PCNX2: variants seen among roughly 807,000 people sequenced by gnomAD.
PCNX2 encodes the protein pecanex-like protein 2.
In PCNX2, 168 loss-of-function variants were observed where a neutral mutation model predicts 223.8. The observed-to-expected ratio is 0.75, with a 90% CI of 0.66 to 0.85. The LOEUF (loss-of-function observed/expected upper bound fraction) is 0.85. Ranked by LOEUF, PCNX2 falls within the 40% of genes least tolerant of loss-of-function variation. The pLI is 0.00. For missense variants in PCNX2, 2,507 were observed against 2,675.5 expected, an observed-to-expected ratio of 0.94 and a Z score of 1.39; for synonymous variants, 1,006 against 1,052.6, an observed-to-expected ratio of 0.96 and a Z score of 0.86.
Position 233,030,190 on chromosome 1 carries a change from C to CTGT in PCNX2, c.4352-4794_4352-4792dup, listed in dbSNP as rs1236002924. Reference sequence around the variant, plus strand: ...ACAGCCTTGAGTTCATGGATCTTTTCTGTTGTTGTTGTTGTTAAGCCCACT... The same window carrying CTGT: ...ACAGCCTTGAGTTCATGGATCTTTTCTGTTGTTGTTGTTGTTGTTAAGCCCACT... On this transcript the variant is annotated intron_variant, in intron 25 of 33. Coordinates refer to ENST00000258229, the MANE Select transcript of PCNX2 (RefSeq NM_014801.4). Among the ~76,000 whole-genome samples, 5 of 152,106 alleles carry CTGT rather than the reference C, an allele frequency of 3.3e-5. No individual in the cohort carries two copies. In the East Asian group the frequency reaches 7.7e-4, roughly 23 times the overall value.
intron 21 of PCNX2, among the ~76,000 whole-genome samples, chr1:233,124,088 TCTC>T (rs1675961398): frequency 6.6e-6 from 1 of 152,362 alleles, no homozygotes; most frequent in Middle Eastern, 3.4e-3. Context: ...TGGTCCTTCT[TCTC>T]CTCATTCTCA....
At chr1:233,062,774 A>G (rs1672451383) in intron 23 of PCNX2, among the ~76,000 whole-genome samples, 2 of 152,172 alleles carry the variant, frequency 1.3e-5, no homozygotes, top group South Asian at 2.1e-4. Context: ...TTTGATTTTT[A>G]AACACATTAC....
rs776690895 is a variant in PCNX2, at chr1:233,235,949, T to TAAAAA, written c.2358+891_2358+895dup. Among the ~76,000 whole-genome samples the TAAAAA allele has an allele frequency of 1.7e-3, 179 of 104,630 alleles. 2 individuals carry two copies. Among genetic ancestry groups the TAAAAA allele is most frequent in the African/African-American group, 4.6e-3 (121 of 26,544 alleles). 68.6% of individuals were successfully genotyped at this position (104,630 alleles called of 152,430 possible). ...TTGGAAAAATGTGGCAAAGCAATCA[T>TAAAAA]AAAAAAAAATATATATATATATATA... On this transcript the variant is annotated intron_variant, in intron 9 of 33. Coordinates refer to ENST00000258229, the MANE Select transcript of PCNX2 (RefSeq NM_014801.4).
In PCNX2 at chr1:233,107,214, A is replaced by ACACAC. The variant is rs371695786; in HGVS notation, c.3838-11352_3838-11351insGTGTG. On this transcript the variant is annotated intron_variant, in intron 21 of 33. Coordinates refer to ENST00000258229, the MANE Select transcript of PCNX2 (RefSeq NM_014801.4). ...ACACACACACACACACACACACACA[A>ACACAC]AACCATGCACAGCCTTTTTATGTAA... 2.2e-3 allele frequency among the ~76,000 whole-genome samples: 338 copies of ACACAC among 150,356 alleles called. 2 individuals carry two copies. Among genetic ancestry groups the ACACAC allele is most frequent in the Middle Eastern group, 0.01 (3 of 294 alleles).
chr1:233,132,892 C>G (rs1676580457), intron 21 of PCNX2, among the ~76,000 whole-genome samples: 2 of 114,880 alleles, frequency 1.7e-5, no homozygotes, highest in South Asian at 5.7e-4. Context: ...CATTTTACAT[C>G]TTTTTTTTTT....
chr1:233,032,047 T>C (rs1671286803), intron 25 of PCNX2: 1 of 980,976 alleles, frequency 1.0e-6, no homozygotes. Context: ...AATAATATAA[T>C]TTAGGAAGAA....
At chr1:233,061,596 G>T (rs886521136) in intron 23 of PCNX2, among the ~76,000 whole-genome samples, 2 of 152,062 alleles carry the variant, frequency 1.3e-5, no homozygotes, top group Non-Finnish European at 2.9e-5. Flanking sequence ...TTGGCAGATG[G>T]TCTTGAATAA....
intron 1 of PCNX2, among the ~76,000 whole-genome samples, chr1:233,286,001 G>A (rs982570716): frequency 1.3e-5 from 2 of 152,190 alleles, no homozygotes; most frequent in Non-Finnish European, 2.9e-5. Context: ...TAATGAAAGT[G>A]TTGACCAAGG....
intron 21 of PCNX2, among the ~76,000 whole-genome samples, chr1:233,109,605 G>A (rs1674997424): frequency 6.6e-6 from 1 of 152,176 alleles, no homozygotes; most frequent in Non-Finnish European, 1.5e-5. Flanking sequence ...ATGAAGACAG[G>A]TCAGCAGCAA....
chr1:233,194,194 A>G (rs1403126410), intron 15 of PCNX2, among the ~76,000 whole-genome samples: 1 of 152,134 alleles, frequency 6.6e-6, no homozygotes, highest in African/African-American at 2.4e-5. Context: ...ATATTGGAAT[A>G]ACGGCAGATT....
chr1:233,159,260 G>T (rs1402563162), intron 19 of PCNX2, among the ~76,000 whole-genome samples: 1 of 152,134 alleles, frequency 6.6e-6, no homozygotes, highest in Non-Finnish European at 1.5e-5. Context: ...TGCCCACCCA[G>T]AGATGTTCCT....
At chr1:233,221,247 G>C (rs1657361143) in intron 10 of PCNX2, among the ~76,000 whole-genome samples, 1 of 151,814 alleles carries the variant, frequency 6.6e-6, no homozygotes, top group South Asian at 2.1e-4. Flanking sequence ...GAAATTGTGG[G>C]TATCTTTTAT....
At chr1:233,237,966 A>G (rs544404563) in intron 8 of PCNX2, among the ~76,000 whole-genome samples, 42 of 152,364 alleles carry the variant, frequency 2.8e-4, no homozygotes, top group Admixed American at 5.9e-4. Flanking sequence ...AAGTAGTAAC[A>G]AAAGTAAAAG....
At chr1:233,164,244 T>A (rs1052041174) in intron 17 of PCNX2, among the ~76,000 whole-genome samples, 1 of 152,248 alleles carries the variant, frequency 6.6e-6, no homozygotes, top group African/African-American at 2.4e-5. Flanking sequence ...AAAACCACAA[T>A]GATATACCAT....
At chr1:232,992,990 A>T (rs922826988) in intron 32 of PCNX2, among the ~76,000 whole-genome samples, 5 of 152,226 alleles carry the variant, frequency 3.3e-5, no homozygotes, top group African/African-American at 1.2e-4. Context: ...TAAATTACCC[A>T]GTCTCAGGTT....
the PCNX2 span, among the ~76,000 whole-genome samples, chr1:233,312,925 A>T: frequency 6.6e-6 from 1 of 152,172 alleles, no homozygotes. Context: ...AAAGAAAAAA[A>T]AAAGACTAAG....
chr1:233,292,381 G>C (rs936955718), intron 1 of PCNX2, among the ~76,000 whole-genome samples: 9 of 151,548 alleles, frequency 5.9e-5, no homozygotes, highest in Non-Finnish European at 1.2e-4. Flanking sequence ...CTAATTTTTT[G>C]TCTTTTTAGT....
Position 233,077,958 on chromosome 1 carries a change from G to T in PCNX2, c.4076+12103C>A, listed in dbSNP as rs551360489. 1.7e-4 allele frequency among the ~76,000 whole-genome samples: 26 copies of T among 152,332 alleles called. No homozygotes were observed. The South Asian group carries it at 5.2e-3, about 30-fold the overall frequency. On this transcript the variant is annotated intron_variant, in intron 23 of 33. Coordinates refer to ENST00000258229, the MANE Select transcript of PCNX2 (RefSeq NM_014801.4). ...TTCCAAAGTGACAAGAAAAATTAGA[G>T]AATGGTTTTGTATATTCACATTATA...
intron 32 of PCNX2, among the ~76,000 whole-genome samples, chr1:232,995,343 G>A (rs183336282): frequency 2.0e-5 from 3 of 152,116 alleles, no homozygotes; most frequent in African/African-American, 7.3e-5. Context: ...TGTGGTGTGT[G>A]GGGTATTTAG....
Sources: gnomAD v4.1 joint callset for allele counts (sites outside exome capture counted in the v4.1 genomes callset) on GRCh38, gnomAD v4.1.1 for gene constraint, MANE v1.5 for transcripts, NCBI Gene and HGNC (gene_info 2026-07-23, HGNC 2026-07-21) for gene names.